KLB: variants seen among roughly 807,000 people sequenced by gnomAD.
KLB encodes beta-klotho.
KLB carries 44 observed loss-of-function variants against 88.4 expected under a neutral mutation model. The observed-to-expected ratio is 0.50, with a 90% CI of 0.39 to 0.64. The LOEUF (loss-of-function observed/expected upper bound fraction) is 0.64, where lower values mean the gene tolerates loss of function less well. Ranked by LOEUF, KLB falls within the 30% of genes least tolerant of loss-of-function variation. The pLI, the probability that KLB is intolerant of heterozygous loss-of-function variation, is 0.00. For synonymous variants in KLB, 548 were observed against 513.4 expected (o/e 1.07, Z -0.91); for missense variants, 1,137 against 1,304.8 (o/e 0.87, Z 1.98).
Position 39,448,822 on chromosome 4 carries a change from G to A in KLB, c.*136G>A, listed in dbSNP as rs190158547. 3.7e-4 allele frequency: 312 copies of A among 838,188 alleles called. 2 individuals are homozygous for A. Among genetic ancestry groups the A allele is most frequent in the African/African-American group, 3.5e-3 (207 of 58,456 alleles). The allele number at this position is 838,188 out of a possible 1,614,324, so 51.9% of individuals were successfully genotyped here. A position where few individuals can be genotyped will look rare whatever the true frequency, so the allele number is the denominator to read the frequency against. The stretch of plus-strand genomic sequence containing the variant: ...AACCAAGGTGATGACAATTGTCTCT[G>A]CTGTGTGGTTCAAAGAACATTCCCT... On this transcript the variant is annotated 3_prime_UTR_variant, in exon 5 of 5. Transcript: ENST00000257408.
Position 39,450,250 on chromosome 4 carries a change from TCAA to T in KLB, c.*1567_*1569del, listed in dbSNP as rs1338300891. 3.9e-5 allele frequency: 6 copies of T among 152,184 alleles called. No individual in the cohort carries two copies. Among genetic ancestry groups the T allele is most frequent in the African/African-American group, 1.4e-4 (6 of 41,438 alleles). The allele number at this position is 152,184 out of a possible 1,614,324, so 9.4% of individuals were successfully genotyped here. On this transcript the variant is annotated 3_prime_UTR_variant, in exon 5 of 5. Transcript: ENST00000257408. ...TATTTATACCTATTCTTTCTTTAGGTCAACATTTAACACCCACTGCATACATTA... is the reference window on the plus strand; with the variant it reads ...TATTTATACCTATTCTTTCTTTAGGTCATTTAACACCCACTGCATACATTA...
rs148640688 is a variant in KLB, at chr4:39,407,442, A to G, written c.493A>G (p.Thr165Ala). The change falls in exon 1 of 5, where the codon ACA becomes GCA. Residue 165 changes from threonine (T) to alanine (A), a missense_variant. Thr to Ala is a moderately conservative substitution (Grantham distance 58). This residue lies in a region of KLB where 597 missense variants were observed against 765.2 expected (regional missense o/e 0.78). Coordinates refer to ENST00000257408, the MANE Select transcript of KLB (RefSeq NM_175737.4). ...AAGGCTTTTCCCCGATGGAATAGTA[A>G]CAGTTGCCAACGCAAAAGGTCTGCA... is the stretch of plus-strand genomic sequence containing the variant. Reference protein sequence around the residue: ...WPRLFPDGIVTVANAKGLQYY... With the variant: ...WPRLFPDGIVAVANAKGLQYY... 2.0e-4 allele frequency: 327 copies of G among 1,614,076 alleles called. 3 individuals carry two copies. Among genetic ancestry groups the G allele is most frequent in the Middle Eastern group, 1.6e-4 (1 of 6,084 alleles).
intron 3 of KLB, among the ~76,000 whole-genome samples, chr4:39,445,239 C>T (rs941678317): frequency 6.6e-6 from 1 of 152,030 alleles, no homozygotes; most frequent in Non-Finnish European, 1.5e-5. Context: ...GCGATTACTC[C>T]GTCACTATAT....
rs1346591316 is a variant in KLB at position 39,434,616 on chromosome 4, G to A, written c.1232G>A (p.Arg411Gln). ...NWIKLEYNNP[R>Q]ILIAENGWFT... is the part of the protein sequence containing the mutation. Reference sequence around the variant, plus strand: ...ATTAAACTGGAATACAACAACCCTCGAATCTTGATTGCTGAGAATGGCTGG... The same window carrying A: ...ATTAAACTGGAATACAACAACCCTCAAATCTTGATTGCTGAGAATGGCTGG... The change falls in exon 2 of 5, where the codon CGA becomes CAA. Residue 411 changes from arginine (R) to glutamine (Q), a missense_variant. By Grantham distance (43) the Arg-to-Gln change is conservative (BLOSUM62 1). Transcript: ENST00000257408. The A allele has an allele frequency of 1.9e-6, 3 of 1,614,072 alleles. No individual in the cohort carries two copies. Among genetic ancestry groups the A allele is most frequent in the South Asian group, 1.1e-5 (1 of 91,086 alleles).
In KLB at chr4:39,448,982, T is replaced by C. The variant is rs776588049; in HGVS notation, c.*296T>C. The C allele has an allele frequency of 7.2e-6, 2 of 278,140 alleles. No individual in the cohort carries two copies. Among genetic ancestry groups the C allele is most frequent in the Non-Finnish European group, 6.8e-6 (1 of 148,056 alleles). The allele number at this position is 278,140 out of a possible 1,614,324, so 17.2% of individuals were successfully genotyped here. ...TGTATTCCATCATTCTGCTTTAGCTTTCATCTCTACCAATAGCTACTTGTG... is the reference window on the plus strand; with the variant it reads ...TGTATTCCATCATTCTGCTTTAGCTCTCATCTCTACCAATAGCTACTTGTG... On this transcript the variant is annotated 3_prime_UTR_variant, in exon 5 of 5. Coordinates refer to ENST00000257408, the MANE Select transcript of KLB (RefSeq NM_175737.4).
chr4:39,407,157 G>A lies in KLB; in HGVS notation c.208G>A (p.Val70Ile). 6.2e-7 allele frequency: 1 copy of A among 1,614,130 alleles called. No homozygotes were observed. The highest frequency in any genetic ancestry group is 8.5e-7 in the Non-Finnish European group (1 of 1,179,986). The change falls in exon 1 of 5, where the codon GTA (valine) becomes ATA (isoleucine). Residue 70 changes from valine to isoleucine, a missense_variant. Physicochemically the swap from Val to Ile is conservative, Grantham distance 29. Coordinates refer to ENST00000257408, the MANE Select transcript of KLB (RefSeq NM_175737.4). ...GTCTAAAAATCCTAATTTTACTCCG[G>A]TAAATGAAAGTCAGCTGTTTCTCTA... Reference protein sequence around the residue: ...IWSKNPNFTPVNESQLFLYDT... With the variant: ...IWSKNPNFTPINESQLFLYDT...
intron 1 of KLB, among the ~76,000 whole-genome samples, chr4:39,418,314 C>G (rs1388787190): frequency 5.3e-5 from 8 of 152,076 alleles, no homozygotes; most frequent in Non-Finnish European, 1.2e-4. Flanking sequence ...AATCTCGGCT[C>G]ACTGCAACCT....
At chr4:39,438,276 G>T (rs776867099) in intron 3 of KLB, among the ~76,000 whole-genome samples, 1 of 152,196 alleles carries the variant, frequency 6.6e-6, no homozygotes, top group Non-Finnish European at 1.5e-5. Context: ...TCATTTCTGT[G>T]TCAGGTTTTT....
At chr4:39,422,060 C>T (rs1241912599) in intron 1 of KLB, among the ~76,000 whole-genome samples, 2 of 152,256 alleles carry the variant, frequency 1.3e-5, no homozygotes, top group Middle Eastern at 3.4e-3. Flanking sequence ...CTGAGTGTTT[C>T]TTAGAGGCTT....
intron 3 of KLB, among the ~76,000 whole-genome samples, chr4:39,439,394 A>G (rs1743546164): frequency 6.6e-6 from 1 of 152,086 alleles, no homozygotes; most frequent in Non-Finnish European, 1.5e-5. Flanking sequence ...TCTTCCAACC[A>G]CTATGCTTTA....
In KLB at chr4:39,448,774, AAGAC is replaced by A. The variant is rs1743822249; in HGVS notation, c.*90_*93del. 1 of 1,268,240 alleles carries A rather than the reference AAGAC, an allele frequency of 7.9e-7. No individual in the cohort carries two copies. Among genetic ancestry groups the A allele is most frequent in the African/African-American group, 1.5e-5 (1 of 66,944 alleles). The allele number at this position is 1,268,240 out of a possible 1,614,324, so 78.6% of individuals were successfully genotyped here. A position where few individuals can be genotyped will look rare whatever the true frequency, so the allele number is the denominator to read the frequency against. Reference sequence around the variant, plus strand: ...ACAGGAGATATACCTGTATTATAGAAAGACAATCTGAGATACAGCTGTAACCAAG... The same window carrying A: ...ACAGGAGATATACCTGTATTATAGAAAATCTGAGATACAGCTGTAACCAAG... On this transcript the variant is annotated 3_prime_UTR_variant, in exon 5 of 5. Transcript: ENST00000257408.
intron 1 of KLB, among the ~76,000 whole-genome samples, chr4:39,429,369 A>C (rs1321926201): frequency 6.6e-6 from 1 of 152,128 alleles, no homozygotes; most frequent in East Asian, 1.9e-4. Context: ...CTATTTCTAA[A>C]GTTGTGCCTA....
At position 39,446,779 on chromosome 4, in the gene KLB, G is replaced by A; in HGVS notation, c.2053G>A (p.Val685Met). ...GTGCTTCCAGGAGCTGGGGGACCTG[G>A]TGAAGCTCTGGATCACCATCAACGA... Reference protein sequence around the residue: ...GLCFQELGDLVKLWITINEPN... With the variant: ...GLCFQELGDLMKLWITINEPN... The change falls in exon 4 of 5, where the codon GTG (valine) becomes ATG (methionine). Residue 685 changes from valine to methionine, a missense_variant. Val to Met is a conservative substitution (Grantham distance 21, BLOSUM62 1). Around this residue, in one of 4 missense-constraint regions of KLB, gnomAD observed 597 missense variants for 765.2 expected, o/e 0.78. Transcript: ENST00000257408. The surrounding 1 kb of genome is among the most constrained non-coding windows in gnomAD (Gnocchi z 6.4). The A allele has an allele frequency of 6.2e-7, 1 of 1,610,302 alleles. No individual in the cohort carries two copies. Among genetic ancestry groups the A allele is most frequent in the Non-Finnish European group, 8.5e-7 (1 of 1,178,442 alleles).
chr4:39,430,927 T>TG (rs1413850950), intron 1 of KLB, among the ~76,000 whole-genome samples: 1 of 149,558 alleles, frequency 6.7e-6, no homozygotes, highest in African/African-American at 2.5e-5. Context: ...TTTTTTTTTT[T>TG]TTCCCCTGAG....
rs890626335 is a variant in KLB, at chr4:39,450,676, C to T, written c.*1990C>T. On this transcript the variant is annotated 3_prime_UTR_variant, in exon 5 of 5. Transcript: ENST00000257408. ...AACTATGTACCTAAGGTCACGCATA[C>T]AACTAGTCAATTCTGTTTTTATTAC... 1 of 152,154 alleles carries T rather than the reference C, an allele frequency of 6.6e-6. No individual in the cohort carries two copies. Among genetic ancestry groups the T allele is most frequent in the Non-Finnish European group, 1.5e-5 (1 of 68,028 alleles). The allele number at this position is 152,154 out of a possible 1,614,324, so 9.4% of individuals were successfully genotyped here.
At chr4:39,443,056 G>C (rs546670990) in intron 3 of KLB, among the ~76,000 whole-genome samples, 1 of 152,142 alleles carries the variant, frequency 6.6e-6, no homozygotes, top group Non-Finnish European at 1.5e-5. Context: ...CCAACTGCTT[G>C]TAGATTTCTC....
chr4:39,430,888 G>T (rs997379558), intron 1 of KLB, among the ~76,000 whole-genome samples: 7 of 150,060 alleles, frequency 4.7e-5, no homozygotes, highest in Middle Eastern at 3.5e-3. Flanking sequence ...GAGATTACAG[G>T]CATGAGCCAC....
chr4:39,413,772 C>T (rs78626906), intron 1 of KLB, among the ~76,000 whole-genome samples: 1 of 152,024 alleles, frequency 6.6e-6, no homozygotes, highest in East Asian at 1.9e-4. Context: ...ACAAAAAATA[C>T]TGCCAGCTTT....
chr4:39,418,088 T>C (rs1743001937), intron 1 of KLB, among the ~76,000 whole-genome samples: 1 of 152,222 alleles, frequency 6.6e-6, no homozygotes, highest in Admixed American at 6.5e-5. Context: ...TCTCTACATG[T>C]TTAATTTGTC....
Sources: gnomAD v4.1 joint callset for allele counts (sites outside exome capture counted in the v4.1 genomes callset) on GRCh38, gnomAD v4.1.1 for gene constraint, gnomAD v4.1.1 regional missense constraint, Gnocchi (gnomAD v3.1) non-coding constraint, MANE v1.5 for transcripts, NCBI Gene and HGNC (gene_info 2026-07-23, HGNC 2026-07-21) for gene names.